GTF2B: variants seen among roughly 807,000 people sequenced by gnomAD.
GTF2B encodes general transcription factor IIB.
Under a neutral mutation model 34.6 loss-of-function variants are expected in GTF2B, and 20 were observed. That is an observed-to-expected ratio of 0.58 (90% CI 0.41 to 0.84). The LOEUF is 0.84. Ranked by LOEUF, GTF2B falls within the 40% of genes least tolerant of loss-of-function variation. The pLI is 0.00. For missense variants in GTF2B, 237 were observed against 393.3 expected (o/e 0.60, Z 3.36); for synonymous variants, 142 against 132.4 (o/e 1.07, Z -0.50).
At chr1:88,866,656 C>T (rs917465183) in intron 2 of GTF2B, among the ~76,000 whole-genome samples, 4 of 152,204 alleles carry the variant, frequency 2.6e-5, no homozygotes, top group East Asian at 1.9e-4. Context: ...GATCCACTCA[C>T]CTCGGCCTCC....
intron 2 of GTF2B, among the ~76,000 whole-genome samples, chr1:88,874,925 TA>T (rs1309926588): frequency 1.0e-4 from 15 of 145,440 alleles, no homozygotes; most frequent in African/African-American, 4.2e-4. Context: ...TTTTTACATT[TA>T]AAGTAAAAAA....
intron 2 of GTF2B, among the ~76,000 whole-genome samples, chr1:88,877,690 G>C (rs1673846407): frequency 6.6e-6 from 1 of 152,200 alleles, no homozygotes; most frequent in Admixed American, 6.5e-5. Context: ...CCAGCATTCT[G>C]GGAAGCCGAG....
intron 2 of GTF2B, among the ~76,000 whole-genome samples, chr1:88,885,931 A>G (rs1457925457): frequency 1.3e-5 from 2 of 152,172 alleles, no homozygotes; most frequent in Non-Finnish European, 2.9e-5. Flanking sequence ...GAAAGGCAAT[A>G]CAAGATAGAA....
chr1:88,859,890 G>A lies in GTF2B; in HGVS notation c.527C>T (p.Thr176Ile). 6.2e-7 allele frequency: 1 copy of A among 1,611,914 alleles called. No homozygotes were observed. Among genetic ancestry groups the A allele is most frequent in the Non-Finnish European group, 8.5e-7 (1 of 1,178,972 alleles). Residue 176 changes from threonine (T) to isoleucine (I), a missense_variant, in exon 5 of 7, where the codon ACA becomes ATA. Thr to Ile is a moderately conservative substitution (Grantham distance 89). Transcript: ENST00000370500. ...CAAAGCTAAAAACTTACCTTTAAATGTCCTAGGAACCCCTTCTTGTCTACA... is the reference window on the plus strand; with the variant it reads ...CAAAGCTAAAAACTTACCTTTAAATATCCTAGGAACCCCTTCTTGTCTACA... The part of the protein sequence containing the change: ...IACRQEGVPR[T>I]FKEICAVSRI...
chr1:88,887,408 C>T, intron 1 of GTF2B, 41 bp from the exon 2 acceptor site: 2 of 1,166,800 alleles, frequency 1.7e-6, no homozygotes, highest in Admixed American at 1.7e-5. Context: ...TCCCAACCAA[C>T]ATGTATCAAA....
intron 6 of GTF2B, among the ~76,000 whole-genome samples, chr1:88,853,860 T>C (rs1028819839): frequency 3.3e-5 from 5 of 152,116 alleles, no homozygotes; most frequent in African/African-American, 1.2e-4. Flanking sequence ...TCATAATACT[T>C]AACCAAATAC....
At chr1:88,887,077 C>A (rs1674087252) in intron 2 of GTF2B, among the ~76,000 whole-genome samples, 184 bp downstream of exon 2, 1 of 152,026 alleles carries the variant, frequency 6.6e-6, no homozygotes, top group African/African-American at 2.4e-5. Context: ...CACCACTACG[C>A]CCGGCTAGTT....
intron 2 of GTF2B, among the ~76,000 whole-genome samples, chr1:88,871,654 T>G (rs1253431956): frequency 6.6e-6 from 1 of 152,190 alleles, no homozygotes; most frequent in African/African-American, 2.4e-5. Flanking sequence ...CTGTTCCAAG[T>G]GACAATTAAC....
At chr1:88,883,296 G>T (rs549581074) in intron 2 of GTF2B, among the ~76,000 whole-genome samples, 17 of 152,174 alleles carry the variant, frequency 1.1e-4, no homozygotes, top group Non-Finnish European at 2.4e-4. Context: ...CTTACTCTTG[G>T]CCCCGAGTTC....
At chr1:88,870,142 G>A (rs570502212) in intron 2 of GTF2B, among the ~76,000 whole-genome samples, 1 of 150,360 alleles carries the variant, frequency 6.7e-6, no homozygotes, top group African/African-American at 2.5e-5. Context: ...TAACCAGGAT[G>A]GTCTCGATCT....
chr1:88,887,210 T>C (rs1000954751), intron 2 of GTF2B, 51 bp downstream of exon 2: 2 of 1,196,444 alleles, frequency 1.7e-6, no homozygotes. Context: ...TGAGCCACCA[T>C]GCTTGGCCTC....
chr1:88,866,932 C>T (rs751478580), intron 2 of GTF2B, among the ~76,000 whole-genome samples: 1 of 152,112 alleles, frequency 6.6e-6, no homozygotes, highest in South Asian at 2.1e-4. Flanking sequence ...AGGAGAAAAG[C>T]GTTAGATGGA....
chr1:88,856,652 T>A (rs1226916441), intron 6 of GTF2B, among the ~76,000 whole-genome samples: 1 of 152,098 alleles, frequency 6.6e-6, no homozygotes, highest in African/African-American at 2.4e-5. Context: ...CTTGTAAGAA[T>A]AAAAGATGTA....
Position 88,864,126 on chromosome 1 carries a change from A to T in GTF2B, c.125-12T>A. On this transcript the variant is annotated splice_polypyrimidine_tract_variant and intron_variant, in intron 2 of 6. Transcript: ENST00000370500. ...AATAACCCGGTCACCTAAGAATATAAGCACATATCTGAATCATTTTGTCAA... is the reference window on the plus strand; with the variant it reads ...AATAACCCGGTCACCTAAGAATATATGCACATATCTGAATCATTTTGTCAA... The T allele has an allele frequency of 6.2e-7, 1 of 1,613,436 alleles. No homozygotes were observed. Among genetic ancestry groups the T allele is most frequent in the Non-Finnish European group, 8.5e-7 (1 of 1,179,380 alleles).
At chr1:88,890,146 C>T (rs1169109331) in intron 1 of GTF2B, among the ~76,000 whole-genome samples, 1 of 148,656 alleles carries the variant, frequency 6.7e-6, no homozygotes, top group Non-Finnish European at 1.5e-5. Flanking sequence ...CTTAAAAAGC[C>T]ATGATAGAAT....
chr1:88,874,665 C>A (rs1673778838), intron 2 of GTF2B, among the ~76,000 whole-genome samples: 1 of 151,924 alleles, frequency 6.6e-6, no homozygotes, highest in Non-Finnish European at 1.5e-5. Flanking sequence ...AAAACAGGAA[C>A]ATGAAGAGGA....
intron 5 of GTF2B, among the ~76,000 whole-genome samples, chr1:88,859,592 T>C (rs778289558): frequency 6.6e-6 from 1 of 152,120 alleles, no homozygotes; most frequent in Non-Finnish European, 1.5e-5. Flanking sequence ...TTCTAGCACT[T>C]TGGGAGGCCA....
chr1:88,888,153 T>G (rs1199559825), intron 1 of GTF2B: 1 of 152,178 alleles, frequency 6.6e-6, no homozygotes, highest in Non-Finnish European at 1.5e-5. Flanking sequence ...ATAAGGCCCT[T>G]TTAAAAACCA....
intron 1 of GTF2B, among the ~76,000 whole-genome samples, chr1:88,889,521 T>C (rs1208256199): frequency 1.3e-5 from 2 of 152,226 alleles, no homozygotes; most frequent in Admixed American, 6.5e-5. Context: ...ATTGTCAATC[T>C]CCACAACAAT....
Sources: allele counts gnomAD v4.1 joint callset (sites outside exome capture counted in the v4.1 genomes callset), GRCh38; gene constraint gnomAD v4.1.1; transcripts MANE v1.5; gene names NCBI Gene and HGNC (gene_info 2026-07-23, HGNC 2026-07-21).